SNTG1: variants seen among roughly 807,000 people sequenced by gnomAD.
SNTG1 encodes the protein syntrophin gamma 1, also known as gamma-1-syntrophin.
In SNTG1, 39 loss-of-function variants were observed where a neutral mutation model predicts 74.7. That is an observed-to-expected ratio of 0.52 (90% CI 0.40 to 0.68). The LOEUF (loss-of-function observed/expected upper bound fraction) is 0.68. SNTG1 is among the 30% of genes least tolerant of loss of function. The pLI, the probability that SNTG1 is intolerant of heterozygous loss-of-function variation, is 0.00. For missense variants in SNTG1, 685 were observed against 609.5 expected, an observed-to-expected ratio of 1.12 and a Z score of -1.30; for synonymous variants, 254 against 217.1, an observed-to-expected ratio of 1.17 and a Z score of -1.49.
chr8:50,622,567 A>C (rs1165686435), intron 13 of SNTG1, among the ~76,000 whole-genome samples: 1 of 152,126 alleles, frequency 6.6e-6, no homozygotes, highest in African/African-American at 2.4e-5. Context: ...TTTATTTGTA[A>C]ATTAACCATA....
chr8:49,997,711 C>G (rs1814360974), intron 1 of SNTG1, among the ~76,000 whole-genome samples: 1 of 152,162 alleles, frequency 6.6e-6, no homozygotes, highest in Non-Finnish European at 1.5e-5. Flanking sequence ...TTCCTACAAT[C>G]TCACAAGTTA....
intron 2 of SNTG1, among the ~76,000 whole-genome samples, chr8:50,186,979 T>G (rs1189426985): frequency 1.3e-5 from 2 of 152,134 alleles, no homozygotes; most frequent in East Asian, 1.9e-4. Flanking sequence ...CTGAATGGTA[T>G]TGCCTGCATT....
At chr8:50,076,523 A>T (rs901821257) in intron 1 of SNTG1, among the ~76,000 whole-genome samples, 1 of 152,172 alleles carries the variant, frequency 6.6e-6, no homozygotes, top group Non-Finnish European at 1.5e-5. Flanking sequence ...TATTAAAATG[A>T]AAAACTGCTT....
At chr8:50,544,136 T>C (rs2625753) in intron 11 of SNTG1, among the ~76,000 whole-genome samples, 1 of 152,006 alleles carries the variant, frequency 6.6e-6, no homozygotes, top group African/African-American at 2.4e-5. Flanking sequence ...ATGTTTATTA[T>C]TTAATATTCT....
At chr8:50,383,553 G>A (rs751873131) in intron 2 of SNTG1, among the ~76,000 whole-genome samples, 1 of 152,132 alleles carries the variant, frequency 6.6e-6, no homozygotes, top group Non-Finnish European at 1.5e-5. Flanking sequence ...CTGATCATGT[G>A]GTGGTAGTTG....
intron 1 of SNTG1, among the ~76,000 whole-genome samples, chr8:49,971,672 G>C (rs987530844): frequency 2.6e-5 from 4 of 152,092 alleles, no homozygotes; most frequent in African/African-American, 7.2e-5. Context: ...CAAAGTCTCA[G>C]GATACAAAAT....
intron 1 of SNTG1, among the ~76,000 whole-genome samples, chr8:50,142,519 T>C (rs2081700247): frequency 6.6e-6 from 1 of 151,328 alleles, no homozygotes; most frequent in Admixed American, 6.6e-5. Flanking sequence ...AATCAAGCAG[T>C]TGGTTAAGTG....
intron 2 of SNTG1, among the ~76,000 whole-genome samples, chr8:50,332,893 A>G (rs1270573833): frequency 6.6e-6 from 1 of 152,178 alleles, no homozygotes; most frequent in Non-Finnish European, 1.5e-5. Context: ...TCTCAAGTAC[A>G]ATTACTTTGT....
In SNTG1 at chr8:50,708,914, G is replaced by C. The variant is rs1190949976; in HGVS notation, c.1220G>C (p.Ser407Thr). 1 of 1,613,770 alleles carries C rather than the reference G, an allele frequency of 6.2e-7. No homozygotes were observed. The highest frequency in any genetic ancestry group is 1.1e-5 in the South Asian group (1 of 91,062). Residue 407 changes from serine to threonine, a missense_variant, in exon 17 of 19, where the codon AGT becomes ACT. Coordinates refer to ENST00000642720, the MANE Select transcript of SNTG1 (RefSeq NM_018967.5). Reference sequence around the variant, plus strand: ...AAGACCTATGCATGTGTGCTAGAAAGTCATCTAATGGGACTCACAATTGAT... The same window carrying C: ...AAGACCTATGCATGTGTGCTAGAAACTCATCTAATGGGACTCACAATTGAT... ...QCKTYACVLESHLMGLTIDFS... is the reference protein window; with the variant it reads ...QCKTYACVLETHLMGLTIDFS...
At chr8:50,418,581 G>A (rs1230237884) in intron 4 of SNTG1, among the ~76,000 whole-genome samples, 1 of 151,988 alleles carries the variant, frequency 6.6e-6, no homozygotes, top group Non-Finnish European at 1.5e-5. Flanking sequence ...ACCCTGTCCT[G>A]TTCCCTGCAC....
chr8:50,392,018 G>A (rs2092668900), intron 2 of SNTG1, among the ~76,000 whole-genome samples: 1 of 152,120 alleles, frequency 6.6e-6, no homozygotes, highest in East Asian at 1.9e-4. Context: ...AGGGAAAAAG[G>A]GGACTACATG....
At chr8:50,298,233 GC>G (rs1488638973) in intron 2 of SNTG1, among the ~76,000 whole-genome samples, 13 of 152,078 alleles carry the variant, frequency 8.5e-5, no homozygotes, top group African/African-American at 3.1e-4. Context: ...GTAGTTATCT[GC>G]CTAAGTATTT....
At chr8:50,066,539 T>C (rs932827545) in intron 1 of SNTG1, among the ~76,000 whole-genome samples, 1 of 152,144 alleles carries the variant, frequency 6.6e-6, no homozygotes, top group African/African-American at 2.4e-5. Flanking sequence ...ATTCCTTTCC[T>C]TTTCTCCCCC....
intron 8 of SNTG1, among the ~76,000 whole-genome samples, chr8:50,482,585 A>T (rs527747761): frequency 3.3e-5 from 5 of 152,282 alleles, no homozygotes; most frequent in South Asian, 4.1e-4. Context: ...GTCTGAAGTA[A>T]ATAGCCTACA....
At chr8:50,430,178 C>G (rs1587598811) in intron 4 of SNTG1, among the ~76,000 whole-genome samples, 1 of 152,120 alleles carries the variant, frequency 6.6e-6, no homozygotes, top group African/African-American at 2.4e-5. Flanking sequence ...GAATGCACAA[C>G]TGTGACTATG....
At chr8:50,151,485 C>G (rs770734897) in intron 1 of SNTG1, among the ~76,000 whole-genome samples, 1 of 152,048 alleles carries the variant, frequency 6.6e-6, no homozygotes. Context: ...TTCTCTAGTT[C>G]TTTTAATTGT....
intron 17 of SNTG1, among the ~76,000 whole-genome samples, chr8:50,710,544 C>T (rs904820987): frequency 2.0e-5 from 3 of 151,964 alleles, no homozygotes; most frequent in East Asian, 1.9e-4. Context: ...CTCTAGTACA[C>T]GAATGTATAA....
chr8:50,297,973 C>T (rs562232942), intron 2 of SNTG1, among the ~76,000 whole-genome samples: 22 of 147,782 alleles, frequency 1.5e-4, no homozygotes, highest in African/African-American at 5.2e-4. Flanking sequence ...TTGTCAAAAA[C>T]AGGGTAATGG....
At chr8:49,911,106 T>A (rs1179054795), upstream of SNTG1, 1 of 152,206 alleles carries the variant, frequency 6.6e-6, no homozygotes, top group Non-Finnish European at 1.5e-5. Flanking sequence ...TCTTTTAAAA[T>A]TTTAACAATA....
Sources: gnomAD v4.1 joint callset for allele counts (sites outside exome capture counted in the v4.1 genomes callset) on GRCh38, gnomAD v4.1.1 for gene constraint, MANE v1.5 for transcripts, NCBI Gene and HGNC (gene_info 2026-07-23, HGNC 2026-07-21) for gene names.